The following LDHAL6A variants were observed in gnomAD, a reference collection of about 807,000 sequenced individuals.
The protein encoded by LDHAL6A is L-lactate dehydrogenase A-like 6A.
A neutral mutation model predicts 28.2 loss-of-function variants in LDHAL6A; 19 were observed. The ratio of observed to expected loss-of-function variants is 0.67; its 90% confidence interval spans 0.47 to 0.99. The LOEUF (loss-of-function observed/expected upper bound fraction) is 0.99. Among genes scored for constraint, LDHAL6A ranks in the 50% least tolerant of loss-of-function variants. The probability of loss-of-function intolerance (pLI) is 0.00; values close to 1 mark genes in which losing one functional copy is unlikely to be tolerated. For synonymous variants in LDHAL6A, 144 were observed against 134.4 expected, an observed-to-expected ratio of 1.07 and a Z score of -0.49; for missense variants, 372 against 398.6, an observed-to-expected ratio of 0.93 and a Z score of 0.57.
intron 3 of LDHAL6A, 137 bp from the exon 4 acceptor site, chr11:18,475,329 T>C (rs1336502387): frequency 4.5e-6 from 3 of 663,780 alleles, no homozygotes; most frequent in Admixed American, 2.7e-5. Context: ...AGTTGGCGTA[T>C]AGCTGGGGTT....
intron 5 of LDHAL6A, chr11:18,476,828 G>C (rs1473045021): frequency 2.5e-5 from 4 of 159,674 alleles, no homozygotes; most frequent in Non-Finnish European, 4.0e-5. Context: ...CTGCATCTCT[G>C]TACTTGTAAC....
chr11:18,478,339 G>A lies in LDHAL6A; in HGVS notation c.835-367G>A, dbSNP rs187068127. 9.5e-4 allele frequency among the ~76,000 whole-genome samples: 144 copies of A among 152,234 alleles called. 1 individual carries two copies. Among genetic ancestry groups the A allele is most frequent in the Non-Finnish European group, 1.6e-3 (107 of 68,016 alleles). On this transcript the variant is annotated intron_variant, in intron 6 of 6. Coordinates refer to ENST00000280706, the MANE Select transcript of LDHAL6A (RefSeq NM_144972.5). ...CCCAGCAAACATGGCAGGAGGCTGGGGCCTATATGGAGAGATGGTGGGTTG... is the reference window on the plus strand; with the variant it reads ...CCCAGCAAACATGGCAGGAGGCTGGAGCCTATATGGAGAGATGGTGGGTTG...
intron 3 of LDHAL6A, chr11:18,468,314 T>C (rs1229854735): frequency 6.6e-6 from 1 of 151,292 alleles, no homozygotes; most frequent in South Asian, 2.1e-4. Context: ...TTGGCATTCA[T>C]TGAGCAGCTT....
At chr11:18,470,471 G>A (rs1444793831) in intron 3 of LDHAL6A, among the ~76,000 whole-genome samples, 1 of 152,116 alleles carries the variant, frequency 6.6e-6, no homozygotes, top group African/African-American at 2.4e-5. Flanking sequence ...AGAGTTTTAA[G>A]GTCAGGAAAA....
chr11:18,463,385 C>T lies in LDHAL6A; in HGVS notation c.127-576C>T, dbSNP rs1848975048. 2.0e-5 allele frequency among the ~76,000 whole-genome samples: 3 copies of T among 152,182 alleles called. 1 individual carries two copies. The highest frequency in any genetic ancestry group is 4.1e-4 in the South Asian group (2 of 4,826). ...CAGAGTCTCCTCCAGCAAGAAAGCC[C>T]TCACCATATGGCGGCCCCCTGACCT... On this transcript the variant is annotated intron_variant, in intron 1 of 6. Coordinates refer to ENST00000280706, the MANE Select transcript of LDHAL6A (RefSeq NM_144972.5).
intron 3 of LDHAL6A, among the ~76,000 whole-genome samples, chr11:18,473,446 T>G (rs778836332): frequency 1.3e-5 from 2 of 152,210 alleles, no homozygotes; most frequent in Non-Finnish European, 2.9e-5. Context: ...TTGTTACCTA[T>G]GCTGAAGTGC....
At chr11:18,462,892 A>C (rs889328676) in intron 1 of LDHAL6A, among the ~76,000 whole-genome samples, 21 of 151,834 alleles carry the variant, frequency 1.4e-4, no homozygotes, top group Admixed American at 1.4e-3. Flanking sequence ...ACTGGTTTCC[A>C]TCCAATCTTT....
intron 6 of LDHAL6A, 77 bp from the exon 7 acceptor site, chr11:18,478,629 A>G: frequency 8.6e-7 from 1 of 1,160,738 alleles, no homozygotes; most frequent in Non-Finnish European, 1.3e-6. Flanking sequence ...TCTGTTATTC[A>G]TTCACCTCCC....
chr11:18,463,966 G>C lies in LDHAL6A; in HGVS notation c.132G>C (p.Leu44Phe). The C allele has an allele frequency of 6.2e-7, 1 of 1,609,880 alleles. No individual in the cohort carries two copies. The highest frequency in any genetic ancestry group is 8.5e-7 in the Non-Finnish European group (1 of 1,176,414). Residue 44 changes from leucine to phenylalanine, a missense_variant, in exon 2 of 7, where the codon TTG becomes TTC. Leu to Phe is a conservative substitution (Grantham distance 22). Coordinates refer to ENST00000280706, the MANE Select transcript of LDHAL6A (RefSeq NM_144972.5). ...ACAISILLKGLSDELVLVDVD... is the reference protein window; with the variant it reads ...ACAISILLKGFSDELVLVDVD... ...GGACTAACAATGTTTTTCAGGGTTT[G>C]AGTGATGAACTTGTCCTTGTGGATG... is the stretch of plus-strand genomic sequence containing the variant.
In LDHAL6A at chr11:18,456,753, A is replaced by G. The variant is rs1158905943; in HGVS notation, c.73A>G (p.Ile25Val). Residue 25 changes from isoleucine to valine, a missense_variant, in exon 1 of 7, where the codon ATT (isoleucine) becomes GTT (valine). Around this residue, in one of 3 missense-constraint regions of LDHAL6A, gnomAD observed 77 missense variants for 77.9 expected, o/e 0.99. Coordinates refer to ENST00000280706, the MANE Select transcript of LDHAL6A (RefSeq NM_144972.5). The stretch of plus-strand genomic sequence containing the variant: ...GGCCATTCATCACAATAAGATCTCC[A>G]TTGTAGGAACTGGATCGGTTGGTGT... ...EEAIHHNKISIVGTGSVGVAC... is the reference protein window; with the variant it reads ...EEAIHHNKISVVGTGSVGVAC... 2 of 1,612,992 alleles carry G rather than the reference A, an allele frequency of 1.2e-6. No homozygotes were observed.
chr11:18,458,316 C>T (rs1028302448), intron 1 of LDHAL6A, among the ~76,000 whole-genome samples: 8 of 152,266 alleles, frequency 5.3e-5, no homozygotes, highest in South Asian at 4.1e-4. Flanking sequence ...CAGGCCCCAC[C>T]GGGCATGTAA....
Position 18,467,930 on chromosome 11 carries a change from T to C in LDHAL6A, c.418+2120T>C, listed in dbSNP as rs1156699201. The stretch of plus-strand genomic sequence containing the variant: ...ATATATATATATATACACACACATA[T>C]ATATATACACACACATATATATATA... On this transcript the variant is annotated intron_variant, in intron 3 of 6. Transcript: ENST00000280706. Among the ~76,000 whole-genome samples the C allele has an allele frequency of 2.3e-4, 18 of 77,526 alleles. 1 individual carries two copies. Among genetic ancestry groups the C allele is most frequent in the African/African-American group, 4.3e-4 (8 of 18,754 alleles). The allele number at this position is 77,526 out of a possible 152,430, so 50.9% of individuals were successfully genotyped here. A position where few individuals can be genotyped will look rare whatever the true frequency, so the allele number is the denominator to read the frequency against.
In LDHAL6A at chr11:18,478,889, C is replaced by G. The variant is rs777826367; in HGVS notation, c.*19C>G. On this transcript the variant is annotated 3_prime_UTR_variant, in exon 7 of 7. Coordinates refer to ENST00000280706, the MANE Select transcript of LDHAL6A (RefSeq NM_144972.5). ...GCTTTAAAGTTGCTTAAAGCTAATT[C>G]TGTAGATTGAAGATGAAATAGTAGT... is the stretch of plus-strand genomic sequence containing the variant. The G allele has an allele frequency of 6.3e-7, 1 of 1,585,202 alleles. No homozygotes were observed. Among genetic ancestry groups the G allele is most frequent in the Non-Finnish European group, 8.6e-7 (1 of 1,164,514 alleles).
chr11:18,475,853 G>A, intron 4 of LDHAL6A: 3 of 463,260 alleles, frequency 6.5e-6, no homozygotes, highest in Non-Finnish European at 1.1e-5. Flanking sequence ...TCCTACATAT[G>A]GATGGCTAGG....
chr11:18,456,555 T>A lies in LDHAL6A; in HGVS notation c.-126T>A. On this transcript the variant is annotated 5_prime_UTR_variant, in exon 1 of 7. Coordinates refer to ENST00000280706, the MANE Select transcript of LDHAL6A (RefSeq NM_144972.5). Reference sequence around the variant, plus strand: ...CGGTCTTTTGTGTGTCTGCAGCACCTCCTTCCACACGGGCCCAGGAGTTCT... The same window carrying A: ...CGGTCTTTTGTGTGTCTGCAGCACCACCTTCCACACGGGCCCAGGAGTTCT... The A allele has an allele frequency of 1.3e-6, 1 of 766,240 alleles. No homozygotes were observed. Among genetic ancestry groups the A allele is most frequent in the South Asian group, 1.6e-5 (1 of 62,704 alleles). 47.5% of individuals were successfully genotyped at this position (766,240 alleles called of 1,614,324 possible). A position where few individuals can be genotyped will look rare whatever the true frequency, so the allele number is the denominator to read the frequency against.
At chr11:18,478,604 T>A in intron 6 of LDHAL6A, 102 bp from the exon 7 acceptor site, 1 of 921,198 alleles carries the variant, frequency 1.1e-6, no homozygotes, top group Non-Finnish European at 1.7e-6. Context: ...TCTGCCATAG[T>A]TCGTACTATA....
chr11:18,467,896 T>TATATATATATATATATACACACAC (rs1849117869), intron 3 of LDHAL6A, among the ~76,000 whole-genome samples: 4 of 68,574 alleles, frequency 5.8e-5, no homozygotes, highest in African/African-American at 3.2e-4. Flanking sequence ...TATATATATA[T>TATATATATATATATATACACACAC]ATATATATAT....
chr11:18,464,360 A>C (rs547428065), intron 2 of LDHAL6A, among the ~76,000 whole-genome samples: 2 of 152,334 alleles, frequency 1.3e-5, no homozygotes, highest in Admixed American at 1.3e-4. Flanking sequence ...AGCACTTTAT[A>C]TAATTTAATC....
At chr11:18,459,669 C>T (rs766516746) in intron 1 of LDHAL6A, among the ~76,000 whole-genome samples, 6 of 152,166 alleles carry the variant, frequency 3.9e-5, no homozygotes, top group African/African-American at 9.7e-5. Flanking sequence ...TGACATATCA[C>T]CTTTAACTAA....
Sources: allele counts gnomAD v4.1 joint callset (sites outside exome capture counted in the v4.1 genomes callset), GRCh38; gene constraint gnomAD v4.1.1; regional missense constraint gnomAD v4.1.1; transcripts MANE v1.5; gene names NCBI Gene and HGNC (gene_info 2026-07-23, HGNC 2026-07-21).